HHLA2: variants seen among roughly 807,000 people sequenced by gnomAD.
HHLA2 encodes HHLA2 member of B7 family.
A neutral mutation model predicts 45.9 loss-of-function variants in HHLA2; 48 were observed. That is an observed-to-expected ratio of 1.05 (90% CI 0.83 to 1.33). The LOEUF is 1.33. Ranked by LOEUF, HHLA2 falls within the 40% of genes most tolerant of loss-of-function variation. HHLA2 has a pLI of 0.00. For missense variants in HHLA2, 462 were observed against 494.3 expected (o/e 0.93, Z 0.62); for synonymous variants, 161 against 173.9 (o/e 0.93, Z 0.59).
chr3:108,358,596 A>G (rs1351096801), intron 7 of HHLA2, among the ~76,000 whole-genome samples: 1 of 152,232 alleles, frequency 6.6e-6, no homozygotes, highest in Non-Finnish European at 1.5e-5. Flanking sequence ...TAGTCACCAC[A>G]CAATATTTGA....
intron 8 of HHLA2, among the ~76,000 whole-genome samples, chr3:108,364,878 T>A (rs115546557): frequency 0.023 from 3,471 of 152,314 alleles, 115 homozygotes; most frequent in African/African-American, 0.079. Context: ...TTCAGTTCCT[T>A]CTAGATTCTG....
At chr3:108,345,576 A>G (rs1490834827) in intron 3 of HHLA2, among the ~76,000 whole-genome samples, 4 of 152,274 alleles carry the variant, frequency 2.6e-5, no homozygotes, top group South Asian at 2.1e-4. Flanking sequence ...CCCAATTTCC[A>G]AATGTCACCA....
chr3:108,376,809 A>C (rs1189529994), intron 10 of HHLA2: 1 of 409,670 alleles, frequency 2.4e-6, no homozygotes, highest in Non-Finnish European at 4.4e-6. Flanking sequence ...TGTAGAGAAG[A>C]TCTCCAATGG....
intron 3 of HHLA2, among the ~76,000 whole-genome samples, chr3:108,339,240 A>G (rs1426393840): frequency 6.6e-6 from 1 of 152,210 alleles, no homozygotes; most frequent in Non-Finnish European, 1.5e-5. Context: ...TAAGACTCAC[A>G]AAAAGGTCAA....
At chr3:108,361,230 C>T (rs532659108) in intron 7 of HHLA2, among the ~76,000 whole-genome samples, 39 of 152,338 alleles carry the variant, frequency 2.6e-4, no homozygotes, top group African/African-American at 8.4e-4. Context: ...AAGTCAACCA[C>T]TGTCTGAAAT....
intron 5 of HHLA2, among the ~76,000 whole-genome samples, chr3:108,354,284 T>C (rs1187579400): frequency 6.6e-6 from 1 of 152,022 alleles, no homozygotes; most frequent in Non-Finnish European, 1.5e-5. Context: ...CTATAAGCCA[T>C]TAATATAGTT....
At chr3:108,371,834 T>G (rs1416419022) in intron 8 of HHLA2, among the ~76,000 whole-genome samples, 5 of 152,236 alleles carry the variant, frequency 3.3e-5, no homozygotes, top group East Asian at 1.9e-4. Context: ...AGCAAGTCCT[T>G]AGTGACCTAC....
intron 3 of HHLA2, among the ~76,000 whole-genome samples, chr3:108,348,238 G>A (rs1484500982): frequency 6.6e-6 from 1 of 152,028 alleles, no homozygotes; most frequent in Non-Finnish European, 1.5e-5. Flanking sequence ...AGAAAAACTA[G>A]GAGAGTATGA....
chr3:108,316,561 G>A (rs1178946198), intron 2 of HHLA2, among the ~76,000 whole-genome samples: 1 of 152,128 alleles, frequency 6.6e-6, no homozygotes, highest in Admixed American at 6.5e-5. Flanking sequence ...GGGGTAGGCT[G>A]GAGAACCTGC....
chr3:108,373,488 CAGG>C (rs1340716402), intron 8 of HHLA2, among the ~76,000 whole-genome samples: 7 of 152,008 alleles, frequency 4.6e-5, no homozygotes, highest in African/African-American at 4.8e-5. Flanking sequence ...GGCAATCAGG[CAGG>C]AGAAGGAAAT....
intron 3 of HHLA2, among the ~76,000 whole-genome samples, chr3:108,349,896 T>C (rs1183589772): frequency 6.6e-6 from 1 of 152,190 alleles, no homozygotes; most frequent in Non-Finnish European, 1.5e-5. Context: ...GGAGTCATTC[T>C]AGGCAATGGG....
At chr3:108,303,724 G>T (rs2080884597) in intron 1 of HHLA2, among the ~76,000 whole-genome samples, 1 of 152,086 alleles carries the variant, frequency 6.6e-6, no homozygotes, top group Admixed American at 6.5e-5. Flanking sequence ...GGATTATAGT[G>T]TATATTATGT....
intron 3 of HHLA2, among the ~76,000 whole-genome samples, chr3:108,336,628 G>A (rs2081476108): frequency 6.6e-6 from 1 of 152,116 alleles, no homozygotes; most frequent in South Asian, 2.1e-4. Flanking sequence ...CTAGTAAGGG[G>A]AGATGCAATA....
exon 5 of HHLA2, chr3:108,353,489 C>T (rs1158274295): frequency 6.2e-7 from 1 of 1,607,246 alleles, no homozygotes; most frequent in South Asian, 1.1e-5. Context: ...CATTGGAAGA[C>T]TTGATGAAGA....
intron 2 of HHLA2, among the ~76,000 whole-genome samples, chr3:108,314,339 C>A (rs1391966885): frequency 1.8e-5 from 1 of 54,510 alleles, no homozygotes; most frequent in Non-Finnish European, 3.6e-5. Flanking sequence ...TATACTGTCT[C>A]TTAAAAAAAA....
intron 1 of HHLA2, among the ~76,000 whole-genome samples, chr3:108,304,319 T>C (rs1365738657): frequency 2.0e-5 from 3 of 152,216 alleles, no homozygotes; most frequent in African/African-American, 7.2e-5. Context: ...CTCTCAGTTC[T>C]GAAGGCTAGA....
intron 3 of HHLA2, among the ~76,000 whole-genome samples, chr3:108,334,650 C>T (rs971419589): frequency 6.6e-6 from 1 of 152,190 alleles, no homozygotes; most frequent in Admixed American, 6.5e-5. Context: ...GTCACTTTAA[C>T]TGACGCACAG....
intron 3 of HHLA2, among the ~76,000 whole-genome samples, chr3:108,330,959 T>C (rs1225161003): frequency 6.6e-6 from 1 of 152,128 alleles, no homozygotes; most frequent in Admixed American, 6.6e-5. Context: ...TTTCCTCAAA[T>C]TGTGAATTGT....
intron 3 of HHLA2, among the ~76,000 whole-genome samples, chr3:108,340,361 G>T (rs1311898988): frequency 1.3e-5 from 2 of 152,224 alleles, no homozygotes; most frequent in African/African-American, 4.8e-5. Flanking sequence ...CATGGGTAAA[G>T]ATGCCCCACT....
Sources: allele counts gnomAD v4.1 joint callset (sites outside exome capture counted in the v4.1 genomes callset), GRCh38; gene constraint gnomAD v4.1.1; transcripts MANE v1.5; gene names NCBI Gene and HGNC (gene_info 2026-07-23, HGNC 2026-07-21).